Variants in ZC3H3 observed in about 807,000 individuals in gnomAD.
ZC3H3 encodes zinc finger CCCH-type containing 3, also known as zinc finger CCCH domain-containing protein 3.
A neutral mutation model predicts 77.3 loss-of-function variants in ZC3H3; 36 were observed. That is an observed-to-expected ratio of 0.47 (90% CI 0.36 to 0.61). The LOEUF is 0.61. ZC3H3 is among the 20% of genes least tolerant of loss of function. The probability of loss-of-function intolerance (pLI) is 0.00; values close to 1 mark genes in which losing one functional copy is unlikely to be tolerated. For synonymous variants in ZC3H3, 626 were observed against 555.2 expected (o/e 1.13, Z -1.79); for missense variants, 1,331 against 1,312.2 (o/e 1.01, Z -0.22).
At chr8:143,474,611 G>A (rs755751119) in intron 5 of ZC3H3, among the ~76,000 whole-genome samples, 5 of 152,222 alleles carry the variant, frequency 3.3e-5, no homozygotes, top group Admixed American at 2.0e-4. Flanking sequence ...CCTGCCGTCG[G>A]AGTCTACCTC....
chr8:143,443,789 G>GA lies in ZC3H3; in HGVS notation c.2308-2670dup, dbSNP rs974767494. On this transcript the variant is annotated intron_variant, in intron 9 of 11. Transcript: ENST00000262577. ...ACTAAAGATGCTGCAGATGATGAAA[G>GA]ACACCGCACGCTGTGGTAACAAACG... Among the ~76,000 whole-genome samples the GA allele has an allele frequency of 8.5e-5, 13 of 152,334 alleles. No homozygotes were observed. The South Asian group carries it at 1.7e-3, about 19-fold the overall frequency.
chr8:143,528,468 G>A (rs1563881905), intron 3 of ZC3H3, among the ~76,000 whole-genome samples: 1 of 152,338 alleles, frequency 6.6e-6, no homozygotes, highest in East Asian at 1.9e-4. Flanking sequence ...AGCCTCCCGG[G>A]GAGATCGCCA....
intron 4 of ZC3H3, among the ~76,000 whole-genome samples, chr8:143,480,232 G>A (rs943202396): frequency 1.3e-5 from 2 of 152,098 alleles, no homozygotes; most frequent in Admixed American, 1.3e-4. Context: ...GAAAGCCCAG[G>A]GGCAAACCTG....
intron 3 of ZC3H3, among the ~76,000 whole-genome samples, chr8:143,510,284 T>C (rs1035846694): frequency 2.0e-5 from 3 of 151,986 alleles, no homozygotes; most frequent in Non-Finnish European, 4.4e-5. Context: ...TTCAAGGGGC[T>C]CACAGTGACA....
At position 143,534,841 on chromosome 8, in the gene ZC3H3, G is replaced by A. The variant is rs182930125; in HGVS notation, c.1561+1416C>T. 6.7e-4 allele frequency among the ~76,000 whole-genome samples: 102 copies of A among 152,174 alleles called. 3 individuals are homozygous for A. In the East Asian group the frequency reaches 8.5e-3, roughly 13 times the overall value. ...TGGCGTGCAGCAGGTGTCGGCTAAC[G>A]GGGTACAGCCGACCAGCGCCCCCAG... On this transcript the variant is annotated intron_variant, in intron 3 of 11. Transcript: ENST00000262577.
At chr8:143,495,469 G>A (rs1821320710) in intron 4 of ZC3H3, among the ~76,000 whole-genome samples, 1 of 152,250 alleles carries the variant, frequency 6.6e-6, no homozygotes, top group Non-Finnish European at 1.5e-5. Context: ...GAGAGACTCA[G>A]AGCTGGGGCT....
chr8:143,483,081 A>G (rs538449818), intron 4 of ZC3H3, among the ~76,000 whole-genome samples: 1 of 152,320 alleles, frequency 6.6e-6, no homozygotes, highest in Non-Finnish European at 1.5e-5. Context: ...CAGGAAATGG[A>G]GCACAATTTT....
In ZC3H3 at chr8:143,494,491, T is replaced by C. The variant is rs1821290794; in HGVS notation, c.1715+13255A>G. ...CCTCACCCCACAGTGCAGGAGCCTG[T>C]GGCCACCCCTGCCAACAGGCCCACA... On this transcript the variant is annotated intron_variant, in intron 4 of 11. Coordinates refer to ENST00000262577, the MANE Select transcript of ZC3H3 (RefSeq NM_015117.3). The surrounding 1 kb of genome is among the most constrained non-coding windows in gnomAD (Gnocchi z 5.3). Among the ~76,000 whole-genome samples the C allele has an allele frequency of 6.6e-6, 1 of 152,074 alleles. No individual in the cohort carries two copies. Among genetic ancestry groups the C allele is most frequent in the African/African-American group, 2.4e-5 (1 of 41,398 alleles).
Position 143,491,154 on chromosome 8 carries a change from G to A in ZC3H3, c.1716-15569C>T, listed in dbSNP as rs553338433. Among the ~76,000 whole-genome samples the A allele has an allele frequency of 1.3e-4, 20 of 152,260 alleles. 1 individual carries two copies. Among genetic ancestry groups the A allele is most frequent in the African/African-American group, 4.1e-4 (17 of 41,546 alleles). On this transcript the variant is annotated intron_variant, in intron 4 of 11. Coordinates refer to ENST00000262577, the MANE Select transcript of ZC3H3 (RefSeq NM_015117.3). Reference sequence around the variant, plus strand: ...CACGGCTGGGCAGATGGGGCAGGAGGGCCCAGGCACAGGGGGCTCCGCCCT... The same window carrying A: ...CACGGCTGGGCAGATGGGGCAGGAGAGCCCAGGCACAGGGGGCTCCGCCCT...
chr8:143,530,956 CTTTTTTTTTT>C lies in ZC3H3; in HGVS notation c.1561+5291_1561+5300del, dbSNP rs3058418. Among the ~76,000 whole-genome samples the C allele has an allele frequency of 7.5e-6, 1 of 133,524 alleles. No individual in the cohort carries two copies. The highest frequency in any genetic ancestry group is 2.1e-4 in the East Asian group (1 of 4,806). 87.6% of individuals were successfully genotyped at this position (133,524 alleles called of 152,430 possible). A position where few individuals can be genotyped will look rare whatever the true frequency, so the allele number is the denominator to read the frequency against. ...CCCTTCTGGGGCTGTCTTCTATCTC[CTTTTTTTTTT>C]TTTTTTTTTTTGAGACAGGGTCTCA... On this transcript the variant is annotated intron_variant, in intron 3 of 11. Transcript: ENST00000262577. This position sits in a 1 kb window ranked among gnomAD's most constrained non-coding sequence, Gnocchi z 4.3.
chr8:143,461,380 G>A (rs1312586156), intron 9 of ZC3H3, among the ~76,000 whole-genome samples: 1 of 152,150 alleles, frequency 6.6e-6, no homozygotes, highest in Non-Finnish European at 1.5e-5. Flanking sequence ...TAAGCAAGAC[G>A]AAAGCCTTGC....
At position 143,472,365 on chromosome 8, in the gene ZC3H3, C is replaced by T. The variant is rs536819096; in HGVS notation, c.1903+3033G>A. Among the ~76,000 whole-genome samples the T allele has an allele frequency of 1.3e-4, 20 of 152,364 alleles. No homozygotes were observed. The South Asian group carries it at 2.3e-3, about 17-fold the overall frequency. ...CAGTGTGGTGACGTCAGGGGCTCTG[C>T]GCCCGCCAGGGCTCTGCCATGTGTG... On this transcript the variant is annotated intron_variant, in intron 5 of 11. Transcript: ENST00000262577.
In ZC3H3 at chr8:143,503,582, C is replaced by T. The variant is rs866476029; in HGVS notation, c.1715+4164G>A. ...CCCAACACCTCCCCCAGCACCCAGC[C>T]GGCTCCACCACCACCTCCCCCAGCA... is the stretch of plus-strand genomic sequence containing the variant. On this transcript the variant is annotated intron_variant, in intron 4 of 11. Transcript: ENST00000262577. 5.5e-4 allele frequency among the ~76,000 whole-genome samples: 81 copies of T among 147,790 alleles called. 1 individual carries two copies. The highest frequency in any genetic ancestry group is 1.8e-3 in the African/African-American group (71 of 39,834).
intron 9 of ZC3H3, among the ~76,000 whole-genome samples, chr8:143,450,533 G>C (rs899601385): frequency 1.3e-5 from 2 of 152,170 alleles, no homozygotes; most frequent in Non-Finnish European, 2.9e-5. Flanking sequence ...CAGTTCACAG[G>C]CTGTACAGGA....
At chr8:143,540,567 G>A (rs998617627) in intron 1 of ZC3H3, among the ~76,000 whole-genome samples, 2 of 152,200 alleles carry the variant, frequency 1.3e-5, no homozygotes, top group African/African-American at 4.8e-5. Context: ...ACCAATTTGG[G>A]TTTTTTAATG....
At chr8:143,532,572 ACACCC>A (rs927692618) in intron 3 of ZC3H3, among the ~76,000 whole-genome samples, 18 of 152,260 alleles carry the variant, frequency 1.2e-4, no homozygotes, top group African/African-American at 4.1e-4. Flanking sequence ...CCAGGAACGA[ACACCC>A]CAGCCGATGG....
At chr8:143,450,720 CCAT>C (rs1318127818) in intron 9 of ZC3H3, among the ~76,000 whole-genome samples, 3 of 152,136 alleles carry the variant, frequency 2.0e-5, no homozygotes, top group African/African-American at 7.2e-5. Flanking sequence ...TGTGAACATT[CCAT>C]CACAAGAATA....
chr8:143,523,039 C>T, intron 3 of ZC3H3, among the ~76,000 whole-genome samples: 1 of 152,230 alleles, frequency 6.6e-6, no homozygotes, highest in East Asian at 1.9e-4. Flanking sequence ...TCCTGATAGT[C>T]CAGGGCCCCT....
chr8:143,538,878 T>A lies in ZC3H3; in HGVS notation c.489A>T (p.Glu163Asp), dbSNP rs1455530946. The stretch of plus-strand genomic sequence containing the variant: ...GCAGCTGTCCCCGAGGGGGCTCACC[T>A]TCACCTTCCCGGGGCCTTTGGTCAC... ...PWSDQRPREGEGEPPRGQLQP... is the reference protein window; with the variant it reads ...PWSDQRPREGDGEPPRGQLQP... The change falls in exon 2 of 12, where the codon GAA (glutamate) becomes GAT (aspartate). Residue 163 changes from glutamate to aspartate, a missense_variant. This residue lies in a region of ZC3H3 where 978 missense variants were observed against 915.5 expected (regional missense o/e 1.07). Transcript: ENST00000262577. The A allele has an allele frequency of 6.2e-7, 1 of 1,612,640 alleles. No individual in the cohort carries two copies. Among genetic ancestry groups the A allele is most frequent in the South Asian group, 1.1e-5 (1 of 91,080 alleles).
Sources: allele counts gnomAD v4.1 joint callset (sites outside exome capture counted in the v4.1 genomes callset), GRCh38; gene constraint gnomAD v4.1.1; regional missense constraint gnomAD v4.1.1; non-coding constraint Gnocchi (gnomAD v3.1); transcripts MANE v1.5; gene names NCBI Gene and HGNC (gene_info 2026-07-23, HGNC 2026-07-21).